The following USP6NL variants were observed in gnomAD, a reference collection of about 807,000 sequenced individuals.
The protein encoded by USP6NL is USP6 N-terminal like.
In USP6NL, 26 loss-of-function variants were observed where a neutral mutation model predicts 61.9. The observed-to-expected ratio is 0.42, with a 90% confidence interval of 0.31 to 0.58. The LOEUF (loss-of-function observed/expected upper bound fraction) is 0.58. USP6NL is among the 20% of genes least tolerant of loss of function. The probability of loss-of-function intolerance (pLI) is 0.16; values close to 1 mark genes in which losing one functional copy is unlikely to be tolerated. For missense variants in USP6NL, 1,114 were observed against 1,034.3 expected (o/e 1.08, Z -1.06); for synonymous variants, 432 against 390.1 (o/e 1.11, Z -1.27).
chr10:11,543,225 A>T (rs1226545452), intron 2 of USP6NL, among the ~76,000 whole-genome samples: 1 of 152,188 alleles, frequency 6.6e-6, no homozygotes, highest in Non-Finnish European at 1.5e-5. Context: ...ATCCAAATAT[A>T]TATTTCTTCA....
chr10:11,605,892 T>C (rs1012613512), intron 1 of USP6NL, among the ~76,000 whole-genome samples: 2 of 152,094 alleles, frequency 1.3e-5, no homozygotes, highest in African/African-American at 4.8e-5. Context: ...GGAGAAAATC[T>C]AACATTGTAT....
chr10:11,485,395 A>T lies in USP6NL; in HGVS notation c.760-161T>A, dbSNP rs2133240058. Among the ~76,000 whole-genome samples, 1 of 152,328 alleles carries T rather than the reference A, an allele frequency of 6.6e-6. No homozygotes were observed. ...ATTCCTCTTAGGACTGTAATACAACAATTAGATTCTCTTTAATATATTTTA... is the reference window on the plus strand; with the variant it reads ...ATTCCTCTTAGGACTGTAATACAACTATTAGATTCTCTTTAATATATTTTA... On this transcript the variant is annotated intron_variant, in intron 11 of 14. Transcript: ENST00000609104. This position sits in a 1 kb window ranked among gnomAD's most constrained non-coding sequence, Gnocchi z 4.8.
rs1269219028 is a variant in USP6NL at position 11,476,513 on chromosome 10, C to T, written c.1078+5257G>A. On this transcript the variant is annotated intron_variant, in intron 14 of 14. Coordinates refer to ENST00000609104, the MANE Select transcript of USP6NL (RefSeq NM_014688.5). The surrounding 1 kb of genome is among the most constrained non-coding windows in gnomAD (Gnocchi z 4.3). The stretch of plus-strand genomic sequence containing the variant: ...GTTTCAACAGCAACTACAAAACATA[C>T]AGAAATAAAATAAAGGTACAAAAAT... Among the ~76,000 whole-genome samples the T allele has an allele frequency of 6.6e-6, 1 of 152,006 alleles. No homozygotes were observed. The highest frequency in any genetic ancestry group is 2.4e-5 in the African/African-American group (1 of 41,370).
At chr10:11,547,603 G>A (rs36066784) in intron 2 of USP6NL, among the ~76,000 whole-genome samples, 17,125 of 148,790 alleles carry the variant, frequency 0.12, 1,273 homozygotes, top group East Asian at 0.16. Context: ...GCAGTGGCAC[G>A]ATCTCAGCTC....
rs1460283447 is a variant in USP6NL at position 11,501,176 on chromosome 10, G to C, written c.309C>G (p.Leu103=). 1.2e-6 allele frequency: 2 copies of C among 1,612,780 alleles called. No individual in the cohort carries two copies. The highest frequency in any genetic ancestry group is 1.3e-5 in the African/African-American group (1 of 74,944). The change falls in exon 7 of 15, where the codon CTC becomes CTG. Residue 103 remains leucine (L), a synonymous_variant. Transcript: ENST00000609104. ...GGGCCCAGACTTCACCTCTGAGCTG[G>C]AGTGGTATTCCTTTGTAAATTCGCC... ...FHRRIYKGIP[L]QLRGEVWALL... is the part of the protein sequence containing the mutation.
chr10:11,496,183 T>G lies in USP6NL; in HGVS notation c.385-2955A>C, dbSNP rs902262029. 7.2e-5 allele frequency among the ~76,000 whole-genome samples: 11 copies of G among 152,232 alleles called. No individual in the cohort carries two copies. The highest frequency in any genetic ancestry group is 2.7e-4 in the African/African-American group (11 of 41,444). ...AGTCCAGAGGCCCTCTGTTTCATCC[T>G]CGCCAAATAACAAACCTCCAGTCTT... On this transcript the variant is annotated intron_variant, in intron 7 of 14. Transcript: ENST00000609104. This position sits in a 1 kb window ranked among gnomAD's most constrained non-coding sequence, Gnocchi z 5.4.
chr10:11,530,896 G>T (rs1835629414), intron 2 of USP6NL, among the ~76,000 whole-genome samples: 2 of 152,098 alleles, frequency 1.3e-5, no homozygotes, highest in Non-Finnish European at 2.9e-5. Flanking sequence ...TACTTCCTTT[G>T]GTTTCATTCT....
At chr10:11,604,517 A>C (rs966061357) in intron 1 of USP6NL, among the ~76,000 whole-genome samples, 1 of 152,198 alleles carries the variant, frequency 6.6e-6, no homozygotes, top group African/African-American at 2.4e-5. Context: ...TTCTTTTGGT[A>C]AGCCTCAATG....
At chr10:11,581,228 CACT>C (rs1312882940) in intron 2 of USP6NL, among the ~76,000 whole-genome samples, 2 of 152,128 alleles carry the variant, frequency 1.3e-5, no homozygotes, top group Non-Finnish European at 2.9e-5. Flanking sequence ...CAGAGATAAG[CACT>C]ACTGACAATC....
At chr10:11,483,567 GCA>G (rs2133230492) in intron 13 of USP6NL, among the ~76,000 whole-genome samples, 1 of 56,620 alleles carries the variant, frequency 1.8e-5, no homozygotes, top group African/African-American at 7.8e-5. Context: ...AGGGAGAGAG[GCA>G]GGGAGAGAGG....
At chr10:11,538,992 T>A (rs993590490) in intron 2 of USP6NL, among the ~76,000 whole-genome samples, 3 of 152,186 alleles carry the variant, frequency 2.0e-5, no homozygotes, top group African/African-American at 2.4e-5. Context: ...TGTGCTTCCA[T>A]CACGCTTCAA....
intron 7 of USP6NL, among the ~76,000 whole-genome samples, chr10:11,500,470 TC>T (rs767900446): frequency 2.6e-5 from 4 of 152,140 alleles, no homozygotes; most frequent in Admixed American, 6.5e-5. Context: ...AATCTCTTAC[TC>T]CTTTCAAAGG....
chr10:11,518,653 T>C lies in USP6NL; in HGVS notation c.156-79A>G. The stretch of plus-strand genomic sequence containing the variant: ...AAAAGCTTATATACTTATAGATACA[T>C]ATGACATACAATATTTATTTGTCAT... On this transcript the variant is annotated intron_variant, in intron 4 of 14. Transcript: ENST00000609104. The surrounding 1 kb of genome is among the most constrained non-coding windows in gnomAD (Gnocchi z 5.3). The C allele has an allele frequency of 1.9e-6, 2 of 1,036,480 alleles. No individual in the cohort carries two copies. Among genetic ancestry groups the C allele is most frequent in the East Asian group, 2.4e-5 (1 of 40,950 alleles). 64.2% of individuals were successfully genotyped at this position (1,036,480 alleles called of 1,614,324 possible).
At chr10:11,522,884 G>A (rs529561101) in intron 4 of USP6NL, among the ~76,000 whole-genome samples, 1 of 152,208 alleles carries the variant, frequency 6.6e-6, no homozygotes. Flanking sequence ...TGCAAGTTCT[G>A]CAGGAAGACT....
rs968716549 is a variant in USP6NL, at chr10:11,470,882, C to G, written c.1079-7033G>C. The stretch of plus-strand genomic sequence containing the variant: ...TAAAATTTTATTTTCCCTTTCCTCT[C>G]CCTAAAAACACAGGAATTGGAGGCC... On this transcript the variant is annotated intron_variant, in intron 14 of 14. Transcript: ENST00000609104. The surrounding 1 kb of genome is among the most constrained non-coding windows in gnomAD (Gnocchi z 5.4). Among the ~76,000 whole-genome samples, 1 of 152,204 alleles carries G rather than the reference C, an allele frequency of 6.6e-6. No homozygotes were observed. Among genetic ancestry groups the G allele is most frequent in the African/African-American group, 2.4e-5 (1 of 41,450 alleles).
At chr10:11,547,297 C>G (rs936866702) in intron 2 of USP6NL, among the ~76,000 whole-genome samples, 1 of 152,224 alleles carries the variant, frequency 6.6e-6, no homozygotes, top group Non-Finnish European at 1.5e-5. Flanking sequence ...TACGTAAACT[C>G]AAACAACCCT....
chr10:11,561,560 T>C lies in USP6NL; in HGVS notation c.5-33993A>G, dbSNP rs757269611. 3.3e-5 allele frequency among the ~76,000 whole-genome samples: 5 copies of C among 152,212 alleles called. No homozygotes were observed. The highest frequency in any genetic ancestry group is 6.5e-5 in the Admixed American group (1 of 15,284). ...CCAGGTCTGTTCAGATAAATTAAGC[T>C]TACTCTTCTTAATACTATTGTACTT... is the stretch of plus-strand genomic sequence containing the variant. On this transcript the variant is annotated intron_variant, in intron 2 of 14. Coordinates refer to ENST00000609104, the MANE Select transcript of USP6NL (RefSeq NM_014688.5). The surrounding 1 kb of genome is among the most constrained non-coding windows in gnomAD (Gnocchi z 4.1).
intron 2 of USP6NL, among the ~76,000 whole-genome samples, chr10:11,570,821 T>G (rs1213586554): frequency 6.6e-6 from 1 of 152,106 alleles, no homozygotes; most frequent in Non-Finnish European, 1.5e-5. Flanking sequence ...TGCAGGCTAA[T>G]GAGGACATTT....
chr10:11,548,801 G>A lies in USP6NL; in HGVS notation c.5-21234C>T, dbSNP rs60248900. On this transcript the variant is annotated intron_variant, in intron 2 of 14. Coordinates refer to ENST00000609104, the MANE Select transcript of USP6NL (RefSeq NM_014688.5). The surrounding 1 kb of genome is among the most constrained non-coding windows in gnomAD (Gnocchi z 4.3). ...TCTATGGTAGGATCATAGAAGACAT[G>A]TATACCTTTCTAACACTCAAATAAA... is the stretch of plus-strand genomic sequence containing the variant. Among the ~76,000 whole-genome samples the A allele has an allele frequency of 0.12, 18,423 of 152,106 alleles. 1,726 individuals are homozygous for A. The highest frequency in any genetic ancestry group is 0.45 in the East Asian group (2,322 of 5,158).
Sources: allele counts gnomAD v4.1 joint callset (sites outside exome capture counted in the v4.1 genomes callset), GRCh38; gene constraint gnomAD v4.1.1; non-coding constraint Gnocchi (gnomAD v3.1); transcripts MANE v1.5; gene names NCBI Gene and HGNC (gene_info 2026-07-23, HGNC 2026-07-21).